RHEB: variants seen among roughly 807,000 people sequenced by gnomAD.
RHEB encodes GTP-binding protein Rheb.
Under a neutral mutation model 28.8 loss-of-function variants are expected in RHEB, and 2 were observed. The ratio of observed to expected loss-of-function variants is 0.07; its 90% confidence interval spans 0.03 to 0.22. The LOEUF is 0.22. Ranked by LOEUF, RHEB falls within the 10% of genes least tolerant of loss-of-function variation. The probability of loss-of-function intolerance (pLI) is 1.00; values close to 1 mark genes in which losing one functional copy is unlikely to be tolerated. For missense variants in RHEB, 76 were observed against 219.9 expected (o/e 0.35, Z 4.14); for synonymous variants, 69 against 77.3 (o/e 0.89, Z 0.56).
chr7:151,477,535 T>G, intron 3 of RHEB, 120 bp from the exon 4 acceptor site: 1 of 621,158 alleles, frequency 1.6e-6, no homozygotes, highest in Non-Finnish European at 2.8e-6. Context: ...GATTACAATA[T>G]TATGCCAGAA....
At chr7:151,484,879 A>G (rs953065114) in intron 2 of RHEB, 75 bp from the exon 3 acceptor site, 1 of 979,484 alleles carries the variant, frequency 1.0e-6, no homozygotes, top group Non-Finnish European at 1.6e-6. Context: ...AACAATGACA[A>G]CCAATCAAGC....
chr7:151,472,847 C>T lies in RHEB; in HGVS notation c.276-1242G>A, dbSNP rs550466293. On this transcript the variant is annotated intron_variant, in intron 4 of 7. Transcript: ENST00000262187. This position sits in a 1 kb window ranked among gnomAD's most constrained non-coding sequence, Gnocchi z 5.2. Reference sequence around the variant, plus strand: ...TGATAAAAACAAAAATGAAATTTAACCCCCCTACAAGCTCGCTGTGGGTCA... The same window carrying T: ...TGATAAAAACAAAAATGAAATTTAATCCCCCTACAAGCTCGCTGTGGGTCA... 8.5e-5 allele frequency among the ~76,000 whole-genome samples: 13 copies of T among 152,320 alleles called. No homozygotes were observed. The South Asian group carries it at 2.5e-3, about 29-fold the overall frequency.
At position 151,477,423 on chromosome 7, in the gene RHEB, G is replaced by GA. The variant is rs575710391; in HGVS notation, c.193-9dup. On this transcript the variant is annotated splice_polypyrimidine_tract_variant and intron_variant, in intron 3 of 7. Transcript: ENST00000262187. ...AAAGATAGAATATTCATCCTGTGGG[G>GA]AAAAAAAATTATCTTTGAGTAGTCT... 9.9e-6 allele frequency: 15 copies of GA among 1,507,638 alleles called. No homozygotes were observed. The highest frequency in any genetic ancestry group is 1.4e-5 in the African/African-American group (1 of 70,618). 93.4% of individuals were successfully genotyped at this position (1,507,638 alleles called of 1,614,324 possible). A position where few individuals can be genotyped will look rare whatever the true frequency, so the allele number is the denominator to read the frequency against.
At chr7:151,502,126 C>T (rs1802783059) in intron 1 of RHEB, 5 of 415,776 alleles carry the variant, frequency 1.2e-5, no homozygotes, top group South Asian at 1.1e-4. Context: ...GTCCCAGCTA[C>T]TTGGGAGGCT....
intron 1 of RHEB, among the ~76,000 whole-genome samples, chr7:151,494,770 C>G (rs1802646233): frequency 6.6e-6 from 1 of 152,222 alleles, no homozygotes; most frequent in Non-Finnish European, 1.5e-5. Context: ...TGGGGCTCTC[C>G]CGCCAAGGTG....
rs1802059886 is a variant in RHEB at position 151,466,336 on chromosome 7, T to A, written c.*783A>T. The A allele has an allele frequency of 2.6e-5, 4 of 152,288 alleles. No individual in the cohort carries two copies. Among genetic ancestry groups the A allele is most frequent in the Admixed American group, 2.6e-4 (4 of 15,290 alleles). The allele number at this position is 152,288 out of a possible 1,614,324, so 9.4% of individuals were successfully genotyped here. The stretch of plus-strand genomic sequence containing the variant: ...AATCATCTCCTGTCTGACACGGACA[T>A]CGAGCTAAGCTATGAGCAAGGGCGA... On this transcript the variant is annotated 3_prime_UTR_variant, in exon 8 of 8. Transcript: ENST00000262187.
At chr7:151,473,698 C>T (rs549222161) in intron 4 of RHEB, among the ~76,000 whole-genome samples, 4 of 152,278 alleles carry the variant, frequency 2.6e-5, no homozygotes, top group South Asian at 2.1e-4. Flanking sequence ...GATTAAACTA[C>T]GAGCTACTAG....
intron 3 of RHEB, 101 bp downstream of exon 3, chr7:151,484,636 G>C: frequency 2.4e-6 from 2 of 836,704 alleles, no homozygotes; most frequent in Non-Finnish European, 4.1e-6. Flanking sequence ...CACACAACCT[G>C]AGGGGTTTTC....
intron 3 of RHEB, among the ~76,000 whole-genome samples, chr7:151,483,368 C>A (rs1384814975): frequency 2.0e-5 from 3 of 152,210 alleles, no homozygotes; most frequent in Non-Finnish European, 4.4e-5. Context: ...CCATTTAACA[C>A]AGCAAACCAG....
chr7:151,494,372 G>GA (rs950719807), intron 1 of RHEB, among the ~76,000 whole-genome samples: 2 of 152,172 alleles, frequency 1.3e-5, no homozygotes, highest in African/African-American at 4.8e-5. Flanking sequence ...AGTTTCCCGT[G>GA]AAATTCAGGA....
Position 151,472,655 on chromosome 7 carries a change from T to C in RHEB, c.276-1050A>G, listed in dbSNP as rs911323742. 9.9e-5 allele frequency among the ~76,000 whole-genome samples: 15 copies of C among 152,178 alleles called. No individual in the cohort carries two copies. Among genetic ancestry groups the C allele is most frequent in the African/African-American group, 3.6e-4 (15 of 41,446 alleles). ...TGGCAGCATGGTCACAGACATCCTA[T>C]CTCGCATGTGTGTCGTTTTACTGTT... On this transcript the variant is annotated intron_variant, in intron 4 of 7. Coordinates refer to ENST00000262187, the MANE Select transcript of RHEB (RefSeq NM_005614.4). This position sits in a 1 kb window ranked among gnomAD's most constrained non-coding sequence, Gnocchi z 5.2.
At chr7:151,470,097 G>T (rs1802134188) in intron 7 of RHEB, among the ~76,000 whole-genome samples, 1 of 152,024 alleles carries the variant, frequency 6.6e-6, no homozygotes, top group Non-Finnish European at 1.5e-5. Flanking sequence ...ACATCTGCGG[G>T]GTGAAATTGG....
rs1802927982 is a variant in RHEB at position 151,508,593 on chromosome 7, C to T, written c.52+10867G>A. 2.0e-5 allele frequency among the ~76,000 whole-genome samples: 3 copies of T among 151,822 alleles called. No homozygotes were observed. In the South Asian group the frequency reaches 6.2e-4, roughly 32 times the overall value. On this transcript the variant is annotated intron_variant, in intron 1 of 7. Transcript: ENST00000262187. The stretch of plus-strand genomic sequence containing the variant: ...CACTTATTTCTTTTTACTTAATATG[C>T]CTACTGGAAAAATCTAAAATTACAT...
chr7:151,491,749 AG>A (rs1460110645), intron 1 of RHEB, among the ~76,000 whole-genome samples: 1 of 146,938 alleles, frequency 6.8e-6, no homozygotes, highest in Admixed American at 6.8e-5. Context: ...AAAAAAAAAA[AG>A]GGTAATCTGA....
chr7:151,485,458 G>C (rs1802454597), intron 2 of RHEB, among the ~76,000 whole-genome samples: 4 of 152,086 alleles, frequency 2.6e-5, no homozygotes, highest in Admixed American at 2.6e-4. Flanking sequence ...AACAAATATA[G>C]ACAAAAGAGG....
chr7:151,482,431 T>C (rs1401097327), intron 3 of RHEB, among the ~76,000 whole-genome samples: 1 of 152,152 alleles, frequency 6.6e-6, no homozygotes, highest in African/African-American at 2.4e-5. Flanking sequence ...GGTTACTGGG[T>C]TAGCAACAAA....
intron 2 of RHEB, among the ~76,000 whole-genome samples, chr7:151,488,235 A>G (rs1343938829): frequency 2.0e-5 from 3 of 152,192 alleles, no homozygotes; most frequent in Non-Finnish European, 2.9e-5. Context: ...TCTGCTTTAA[A>G]ATTTCCCCAA....
intron 1 of RHEB, among the ~76,000 whole-genome samples, chr7:151,503,633 C>T (rs1260839433): frequency 6.6e-6 from 1 of 152,166 alleles, no homozygotes; most frequent in East Asian, 1.9e-4. Context: ...CAACCCCACA[C>T]TTTGTTTTGT....
chr7:151,477,032 AAAGTAAAATT>A (rs1802283474), intron 4 of RHEB, among the ~76,000 whole-genome samples: 2 of 152,338 alleles, frequency 1.3e-5, no homozygotes, highest in South Asian at 4.1e-4. Context: ...AAACACACAC[AAAGTAAAATT>A]AATTTAGGCA....
Sources: allele counts gnomAD v4.1 joint callset (sites outside exome capture counted in the v4.1 genomes callset), GRCh38; gene constraint gnomAD v4.1.1; non-coding constraint Gnocchi (gnomAD v3.1); transcripts MANE v1.5; gene names NCBI Gene and HGNC (gene_info 2026-07-23, HGNC 2026-07-21).